The following ERBIN variants were observed in gnomAD, a reference collection of about 807,000 sequenced individuals.
The protein encoded by ERBIN is erbb2 interacting protein, also known as densin-180-like protein.
A neutral mutation model predicts 158.4 loss-of-function variants in ERBIN; 60 were observed. The ratio of observed to expected loss-of-function variants is 0.38; its 90% CI spans 0.31 to 0.47. ERBIN has a LOEUF of 0.47. Ranked by LOEUF, ERBIN falls within the 20% of genes least tolerant of loss-of-function variation. The pLI is 0.99. For synonymous variants in ERBIN, 594 were observed against 557.2 expected, an observed-to-expected ratio of 1.07 and a Z score of -0.93; for missense variants, 1,610 against 1,648.0, an observed-to-expected ratio of 0.98 and a Z score of 0.40.
intron 21 of ERBIN, among the ~76,000 whole-genome samples, chr5:66,067,029 A>G (rs1471892572): frequency 1.3e-5 from 2 of 152,208 alleles, no homozygotes; most frequent in African/African-American, 4.8e-5. Context: ...AGTCAATAAC[A>G]CATTAAAGCT....
rs199772832 is a variant in ERBIN at position 65,952,551 on chromosome 5, C to CT, written c.-58+25756dup. 4.4e-4 allele frequency among the ~76,000 whole-genome samples: 65 copies of CT among 147,000 alleles called. 1 individual carries two copies. Among genetic ancestry groups the CT allele is most frequent in the Admixed American group, 1.0e-3 (15 of 14,700 alleles). On this transcript the variant is annotated intron_variant, in intron 1 of 25. Coordinates refer to ENST00000284037, the MANE Select transcript of ERBIN (RefSeq NM_001253697.2). The stretch of plus-strand genomic sequence containing the variant: ...GCTCCTGGCTTGTGTATTTGTTATA[C>CT]TTTTTTTTTTTCTAGATTAACAATT...
At position 66,080,367 on chromosome 5, in the gene ERBIN, CATTTT is replaced by C. The variant is rs936824041; in HGVS notation, c.*1839_*1843del. 4 of 152,112 alleles carry C rather than the reference CATTTT, an allele frequency of 2.6e-5. No individual in the cohort carries two copies. The highest frequency in any genetic ancestry group is 6.6e-5 in the Admixed American group (1 of 15,234). 9.4% of individuals were successfully genotyped at this position (152,112 alleles called of 1,614,324 possible). ...TAACAACTCTTTGTAAATTTTAACTCATTTTAGTTGATTTTCAGTACTATTTACAT... is the reference window on the plus strand; with the variant it reads ...TAACAACTCTTTGTAAATTTTAACTCAGTTGATTTTCAGTACTATTTACAT... On this transcript the variant is annotated 3_prime_UTR_variant, in exon 26 of 26. Transcript: ENST00000284037.
chr5:65,975,473 T>G (rs1175467179), intron 1 of ERBIN, among the ~76,000 whole-genome samples: 2 of 152,074 alleles, frequency 1.3e-5, no homozygotes, highest in Non-Finnish European at 2.9e-5. Flanking sequence ...GCCTGGCTAA[T>G]TTTTGCATTT....
At chr5:65,978,651 A>T (rs1348027653) in intron 1 of ERBIN, among the ~76,000 whole-genome samples, 2 of 152,244 alleles carry the variant, frequency 1.3e-5, no homozygotes, top group Non-Finnish European at 2.9e-5. Context: ...GGGATAGGAT[A>T]AAGGCATTCA....
intron 21 of ERBIN, among the ~76,000 whole-genome samples, chr5:66,059,915 T>C (rs951506210): frequency 6.6e-6 from 1 of 152,220 alleles, no homozygotes; most frequent in Non-Finnish European, 1.5e-5. Context: ...ATAAGCTTTT[T>C]GATGTGTTGC....
At chr5:65,978,005 G>T (rs1164266728) in intron 1 of ERBIN, among the ~76,000 whole-genome samples, 1 of 127,436 alleles carries the variant, frequency 7.8e-6, no homozygotes, top group East Asian at 2.3e-4. Context: ...GCTATTTCTA[G>T]GTTGGAAACA....
chr5:66,030,179 C>T (rs1228272123), intron 14 of ERBIN, among the ~76,000 whole-genome samples: 1 of 152,102 alleles, frequency 6.6e-6, no homozygotes, highest in East Asian at 1.9e-4. Context: ...GCTGGGATTA[C>T]AGGTGTATGC....
intron 1 of ERBIN, among the ~76,000 whole-genome samples, chr5:65,957,427 A>AGC (rs1483006467): frequency 2.6e-5 from 4 of 152,092 alleles, no homozygotes; most frequent in African/African-American, 9.7e-5. Context: ...ACTCTTAACG[A>AGC]GCATGCTGCC....
chr5:65,960,953 GA>G (rs1369631465), intron 1 of ERBIN, among the ~76,000 whole-genome samples: 2 of 151,978 alleles, frequency 1.3e-5, no homozygotes, highest in African/African-American at 4.8e-5. Flanking sequence ...TTTTGACAAC[GA>G]AAATGTTATC....
chr5:65,959,015 T>G (rs1460169711), intron 1 of ERBIN, among the ~76,000 whole-genome samples: 1 of 152,204 alleles, frequency 6.6e-6, no homozygotes, highest in African/African-American at 2.4e-5. Context: ...ACAAGGAGCA[T>G]CTGTACTTTT....
chr5:66,064,527 G>A lies in ERBIN; in HGVS notation c.3634-7642G>A, dbSNP rs902958754. ...ATTTTCCCAGGATGATATGTGTTAC[G>A]TAGTGTAGAGGAATGACTTTAAAAG... On this transcript the variant is annotated intron_variant, in intron 21 of 25. Transcript: ENST00000284037. Among the ~76,000 whole-genome samples, 9 of 152,114 alleles carry A rather than the reference G, an allele frequency of 5.9e-5. No homozygotes were observed. The South Asian group carries it at 1.2e-3, about 21-fold the overall frequency.
Position 65,929,656 on chromosome 5 carries a change from T to TC in ERBIN, c.-58+2850_-58+2851insC, listed in dbSNP as rs1743121182. ...TTTCCTCTTTTTTTTTTTTTTTTTTTTCGAGATGGAGTCTTGCTCTGTTGC... is the reference window on the plus strand; with the variant it reads ...TTTCCTCTTTTTTTTTTTTTTTTTTTCTCGAGATGGAGTCTTGCTCTGTTGC... On this transcript the variant is annotated intron_variant, in intron 1 of 25. Coordinates refer to ENST00000284037, the MANE Select transcript of ERBIN (RefSeq NM_001253697.2). 5.3e-5 allele frequency among the ~76,000 whole-genome samples: 8 copies of TC among 149,904 alleles called. 2 individuals are homozygous for TC. In the South Asian group the frequency reaches 1.7e-3, roughly 32 times the overall value.
chr5:66,041,849 C>T (rs1432017785), intron 15 of ERBIN, among the ~76,000 whole-genome samples: 2 of 151,924 alleles, frequency 1.3e-5, no homozygotes, highest in African/African-American at 4.8e-5. Context: ...ATTTGAATCA[C>T]ATTCCACATT....
chr5:66,063,871 CTT>C (rs1561447718), intron 21 of ERBIN, among the ~76,000 whole-genome samples: 1 of 152,132 alleles, frequency 6.6e-6, no homozygotes, highest in Non-Finnish European at 1.5e-5. Flanking sequence ...TATATACACA[CTT>C]ATATACGTAC....
intron 1 of ERBIN, among the ~76,000 whole-genome samples, chr5:65,935,275 C>A (rs1743939381): frequency 6.6e-6 from 1 of 152,084 alleles, no homozygotes; most frequent in South Asian, 2.1e-4. Flanking sequence ...CAGATGTAAA[C>A]CCATTGTAAA....
At chr5:66,019,718 A>T (rs748419045) in intron 7 of ERBIN, among the ~76,000 whole-genome samples, 7 of 152,124 alleles carry the variant, frequency 4.6e-5, no homozygotes, top group Non-Finnish European at 8.8e-5. Flanking sequence ...ATTTTCCAGG[A>T]TATCATCTGT....
At position 66,082,530 on chromosome 5, in the gene ERBIN, C is replaced by G. The variant is rs1026329296; in HGVS notation, c.*4000C>G. ...TTTCCCCTCAAGGGATTCAATAAAG[C>G]TTATTTTTCATGAAAACAAGCCTAT... On this transcript the variant is annotated 3_prime_UTR_variant, in exon 26 of 26. Coordinates refer to ENST00000284037, the MANE Select transcript of ERBIN (RefSeq NM_001253697.2). The G allele has an allele frequency of 1.1e-4, 16 of 152,130 alleles. No individual in the cohort carries two copies. The highest frequency in any genetic ancestry group is 3.9e-4 in the African/African-American group (16 of 41,436). The allele number at this position is 152,130 out of a possible 1,614,324, so 9.4% of individuals were successfully genotyped here.
Position 66,014,653 on chromosome 5 carries a change from T to C in ERBIN, c.477-16T>C. On this transcript the variant is annotated splice_polypyrimidine_tract_variant and intron_variant, in intron 6 of 25. Coordinates refer to ENST00000284037, the MANE Select transcript of ERBIN (RefSeq NM_001253697.2). ...TGTCTTTGTCCTAAATACATGATTTTTTTTTTGTATTGCAGATTAACTAAA... is the reference window on the plus strand; with the variant it reads ...TGTCTTTGTCCTAAATACATGATTTCTTTTTTGTATTGCAGATTAACTAAA... The C allele has an allele frequency of 8.2e-7, 1 of 1,220,558 alleles. No individual in the cohort carries two copies. The highest frequency in any genetic ancestry group is 1.2e-6 in the Non-Finnish European group (1 of 869,120). The allele number at this position is 1,220,558 out of a possible 1,614,324, so 75.6% of individuals were successfully genotyped here. A position where few individuals can be genotyped will look rare whatever the true frequency, so the allele number is the denominator to read the frequency against.
Position 66,025,909 on chromosome 5 carries a change from A to G in ERBIN, c.952A>G (p.Ile318Val), listed in dbSNP as rs373419259. 8.8e-5 allele frequency: 140 copies of G among 1,594,394 alleles called. No individual in the cohort carries two copies. Among genetic ancestry groups the G allele is most frequent in the Non-Finnish European group, 1.1e-4 (134 of 1,170,072 alleles). Reference sequence around the variant, plus strand: ...TGAAGTTGAAGCTTTGCCTTCATCTATTGGGCAGCTTACTAACTTAAGAAC... The same window carrying G: ...TGAAGTTGAAGCTTTGCCTTCATCTGTTGGGCAGCTTACTAACTTAAGAAC... ...FNEVEALPSSIGQLTNLRTFA... is the reference protein window; with the variant it reads ...FNEVEALPSSVGQLTNLRTFA... Residue 318 changes from isoleucine (I) to valine (V), a missense_variant, in exon 12 of 26, where the codon ATT becomes GTT. By Grantham distance (29) the Ile-to-Val change is conservative. This residue lies in a region of ERBIN where 596 missense variants were observed against 711.9 expected (regional missense o/e 0.84). Coordinates refer to ENST00000284037, the MANE Select transcript of ERBIN (RefSeq NM_001253697.2).
Sources: gnomAD v4.1 joint callset for allele counts (sites outside exome capture counted in the v4.1 genomes callset) on GRCh38, gnomAD v4.1.1 for gene constraint, gnomAD v4.1.1 regional missense constraint, MANE v1.5 for transcripts, NCBI Gene and HGNC (gene_info 2026-07-23, HGNC 2026-07-21) for gene names.